Variants in AGO3 observed in about 807,000 individuals in gnomAD.
AGO3 encodes argonaute RISC catalytic component 3.
AGO3 carries 16 observed loss-of-function variants against 105.5 expected under a neutral mutation model. The ratio of observed to expected loss-of-function variants is 0.15; its 90% CI spans 0.10 to 0.23. The LOEUF is 0.23. Among genes scored for constraint, AGO3 ranks in the 10% least tolerant of loss-of-function variants. The pLI, the probability that AGO3 is intolerant of heterozygous loss-of-function variation, is 1.00. For missense variants in AGO3, 534 were observed against 1,088.0 expected, an observed-to-expected ratio of 0.49 and a Z score of 7.16; for synonymous variants, 340 against 367.3, an observed-to-expected ratio of 0.93 and a Z score of 0.85.
rs1230821883 is a variant in AGO3, at chr1:36,063,189, G to C, written c.*7444G>C. The stretch of plus-strand genomic sequence containing the variant: ...TAGAATATTTAATGTTGTTTATATA[G>C]TGGGCATTAAAGACAGTCTTTAGAC... On this transcript the variant is annotated 3_prime_UTR_variant, in exon 19 of 19. Transcript: ENST00000373191. The C allele has an allele frequency of 6.6e-6, 1 of 152,044 alleles. No homozygotes were observed. Among genetic ancestry groups the C allele is most frequent in the Non-Finnish European group, 1.5e-5 (1 of 67,998 alleles). 9.4% of individuals were successfully genotyped at this position (152,044 alleles called of 1,614,324 possible).
chr1:35,965,422 G>A lies in AGO3; in HGVS notation c.192-1533G>A, dbSNP rs1231221093. 2.0e-5 allele frequency among the ~76,000 whole-genome samples: 3 copies of A among 150,012 alleles called. No homozygotes were observed. The East Asian group carries it at 5.9e-4, about 29-fold the overall frequency. ...GGAGAATTGCTGGAACCTGGGAGGC[G>A]GAGGTAGCAGTGAGCCGAGATCGCA... On this transcript the variant is annotated intron_variant, in intron 2 of 18. Transcript: ENST00000373191.
intron 5 of AGO3, among the ~76,000 whole-genome samples, chr1:35,975,217 T>C (rs1436180066): frequency 6.6e-6 from 1 of 152,178 alleles, no homozygotes; most frequent in African/African-American, 2.4e-5. Context: ...CATCAATGAA[T>C]GAGAGTACCA....
In AGO3 at chr1:35,944,236, C is replaced by CT. The variant is rs879772985; in HGVS notation, c.20-1444dup. 7.8e-3 allele frequency among the ~76,000 whole-genome samples: 1,138 copies of CT among 145,324 alleles called. 7 individuals are homozygous for CT. Among genetic ancestry groups the CT allele is most frequent in the Middle Eastern group, 0.021 (6 of 282 alleles). On this transcript the variant is annotated intron_variant, in intron 1 of 18. Coordinates refer to ENST00000373191, the MANE Select transcript of AGO3 (RefSeq NM_024852.4). ...GACTTTTCAAATTTGATGAATAATA[C>CT]TTTTTTTTTTTTAAGACAGGGTCTT...
rs758462737 is a variant in AGO3, at chr1:35,931,410, T to TC, written c.-11dup. 9 of 1,480,028 alleles carry TC rather than the reference T, an allele frequency of 6.1e-6. No homozygotes were observed. The Admixed American group carries it at 1.2e-4, about 20-fold the overall frequency. The allele number at this position is 1,480,028 out of a possible 1,614,324, so 91.7% of individuals were successfully genotyped here. The stretch of plus-strand genomic sequence containing the variant: ...CGGGCTCCGTTCTCCCTCGAAGCAC[T>TC]CCCCCCAGCTCCATGAATGGAAATC... On this transcript the variant is annotated 5_prime_UTR_variant, in exon 1 of 19. Transcript: ENST00000373191.
At chr1:36,018,436 G>A (rs895338566) in intron 11 of AGO3, among the ~76,000 whole-genome samples, 2 of 150,266 alleles carry the variant, frequency 1.3e-5, no homozygotes, top group African/African-American at 4.9e-5. Context: ...GAGGGTTTTT[G>A]TTTTTTTTTG....
chr1:35,975,337 T>C (rs1274763203), intron 5 of AGO3, among the ~76,000 whole-genome samples: 1 of 152,212 alleles, frequency 6.6e-6, no homozygotes, highest in Non-Finnish European at 1.5e-5. Context: ...GACTACCTTT[T>C]CACAAATATA....
intron 2 of AGO3, among the ~76,000 whole-genome samples, chr1:35,960,975 G>A (rs1168774600): frequency 8.3e-5 from 12 of 144,370 alleles, no homozygotes; most frequent in East Asian, 2.0e-4. Flanking sequence ...ATGGAGTCTC[G>A]CTCTGATGCC....
At chr1:36,026,797 T>A (rs1442202060) in intron 11 of AGO3, among the ~76,000 whole-genome samples, 1 of 152,204 alleles carries the variant, frequency 6.6e-6, no homozygotes, top group African/African-American at 2.4e-5. Flanking sequence ...TGCCTAAAAT[T>A]TCATAGTAGT....
chr1:36,028,398 C>CG (rs1351535826), intron 12 of AGO3, among the ~76,000 whole-genome samples: 3 of 109,002 alleles, frequency 2.8e-5, no homozygotes, highest in East Asian at 3.9e-4. Context: ...CCCTCCCCCC[C>CG]CCCCACCCCA....
chr1:36,037,787 A>T (rs948293109), intron 14 of AGO3, among the ~76,000 whole-genome samples: 1 of 152,190 alleles, frequency 6.6e-6, no homozygotes, highest in Non-Finnish European at 1.5e-5. Context: ...AACATTCATT[A>T]AAGTGTTCTT....
At chr1:36,018,525 C>T (rs912805787) in intron 11 of AGO3, among the ~76,000 whole-genome samples, 7 of 151,932 alleles carry the variant, frequency 4.6e-5, no homozygotes, top group East Asian at 3.9e-4. Context: ...CTCCATCTCC[C>T]GGGTTCAAGC....
At chr1:35,963,085 T>G (rs146177172) in intron 2 of AGO3, among the ~76,000 whole-genome samples, 2 of 152,350 alleles carry the variant, frequency 1.3e-5, no homozygotes, top group East Asian at 3.9e-4. Context: ...AATTTGGCAG[T>G]ACATCATTTA....
intron 11 of AGO3, among the ~76,000 whole-genome samples, chr1:36,014,538 A>G (rs1464839699): frequency 6.7e-6 from 1 of 148,802 alleles, no homozygotes; most frequent in Non-Finnish European, 1.5e-5. Flanking sequence ...TTGGGAGGCC[A>G]GGGCGGGTGG....
rs376686805 is a variant in AGO3 at position 35,942,894 on chromosome 1, A to G, written c.20-2798A>G. On this transcript the variant is annotated intron_variant, in intron 1 of 18. Transcript: ENST00000373191. ...CAAATCTGCATTTGCTCATATCTCA[A>G]CTCCCGGTGACCACACGTCTACTTC... is the stretch of plus-strand genomic sequence containing the variant. 1.1e-4 allele frequency among the ~76,000 whole-genome samples: 17 copies of G among 151,818 alleles called. No homozygotes were observed. In the East Asian group the frequency reaches 1.6e-3, roughly 14 times the overall value.
chr1:36,029,120 G>A (rs1261936285), intron 12 of AGO3, among the ~76,000 whole-genome samples: 1 of 152,118 alleles, frequency 6.6e-6, no homozygotes, highest in Non-Finnish European at 1.5e-5. Context: ...TTGTTGTAAG[G>A]ATTAACTGAG....
rs957993370 is a variant in AGO3 at position 36,061,480 on chromosome 1, T to C, written c.*5735T>C. The stretch of plus-strand genomic sequence containing the variant: ...GTTCTTAAAATATGGAAGTTAAAGA[T>C]TTTAATTTGAATTAAAGATAGAAGG... On this transcript the variant is annotated 3_prime_UTR_variant, in exon 19 of 19. Coordinates refer to ENST00000373191, the MANE Select transcript of AGO3 (RefSeq NM_024852.4). 2 of 152,228 alleles carry C rather than the reference T, an allele frequency of 1.3e-5. No individual in the cohort carries two copies. Among genetic ancestry groups the C allele is most frequent in the African/African-American group, 4.8e-5 (2 of 41,468 alleles). 9.4% of individuals were successfully genotyped at this position (152,228 alleles called of 1,614,324 possible). A position where few individuals can be genotyped will look rare whatever the true frequency, so the allele number is the denominator to read the frequency against.
At chr1:35,952,469 T>A (rs773891547) in intron 2 of AGO3, among the ~76,000 whole-genome samples, 1 of 152,134 alleles carries the variant, frequency 6.6e-6, no homozygotes, top group Non-Finnish European at 1.5e-5. Context: ...TGGAATCATA[T>A]ACCATGTGGC....
intron 2 of AGO3, among the ~76,000 whole-genome samples, chr1:35,953,882 A>G (rs557406342): frequency 1.3e-5 from 2 of 152,222 alleles, no homozygotes; most frequent in African/African-American, 2.4e-5. Context: ...GTTCTAGATA[A>G]AAGTCCCTTA....
intron 9 of AGO3, 140 bp from the exon 10 acceptor site, chr1:36,013,490 C>T: frequency 9.1e-7 from 1 of 1,104,316 alleles, no homozygotes; most frequent in South Asian, 1.6e-5. Flanking sequence ...ATTCGCTGTT[C>T]TGTAGTTAGA....
Sources: allele counts gnomAD v4.1 joint callset (sites outside exome capture counted in the v4.1 genomes callset), GRCh38; gene constraint gnomAD v4.1.1; transcripts MANE v1.5; gene names NCBI Gene and HGNC (gene_info 2026-07-23, HGNC 2026-07-21).